ZNF732: variants seen among roughly 807,000 people sequenced by gnomAD.
ZNF732 encodes the protein zinc finger protein LOC654254.
A neutral mutation model predicts 11.5 loss-of-function variants in ZNF732; 12 were observed. The observed-to-expected ratio is 1.05, with a 90% CI of 0.67 to 1.70. The LOEUF is 1.70. Ranked by LOEUF, ZNF732 falls within the 40% of genes most tolerant of loss-of-function variation. The pLI, the probability that ZNF732 is intolerant of heterozygous loss-of-function variation, is 0.00. For synonymous variants in ZNF732, 231 were observed against 236.5 expected (o/e 0.98, Z 0.21); for missense variants, 702 against 676.9 (o/e 1.04, Z -0.41).
In ZNF732 at chr4:297,607, T is replaced by TTA. The variant is rs1491574356; in HGVS notation, c.4-1453_4-1452insTA. On this transcript the variant is annotated intron_variant, in intron 1 of 3. Transcript: ENST00000419098. ...ATTTTTGTGTTGTATTTAAGATTTG[T>TTA]AAAAAAAAAAAAAAAAAAAAAAAAA... 2.9e-3 allele frequency among the ~76,000 whole-genome samples: 295 copies of TTA among 101,000 alleles called. 3 individuals are homozygous for TTA. The highest frequency in any genetic ancestry group is 0.011 in the African/African-American group (288 of 27,146). The allele number at this position is 101,000 out of a possible 152,430, so 66.3% of individuals were successfully genotyped here. A position where few individuals can be genotyped will look rare whatever the true frequency, so the allele number is the denominator to read the frequency against.
In ZNF732 at chr4:272,308, A is replaced by C. The variant is rs782075646; in HGVS notation, c.549T>G (p.Thr183=). 5 of 1,612,874 alleles carry C rather than the reference A, an allele frequency of 3.1e-6. No individual in the cohort carries two copies. The highest frequency in any genetic ancestry group is 3.4e-6 in the Non-Finnish European group (4 of 1,179,276). ...CTCCAGCATGAATTCCTTGATGTTG[A>C]GTTAGGTCTGAGAACTTCTGAAATG... ...GKSFQKFSDL[T]QHQGIHAGEK... Residue 183 remains threonine (T), a synonymous_variant, in exon 4 of 4, where the codon ACT becomes ACG. Transcript: ENST00000419098.
intron 3 of ZNF732, among the ~76,000 whole-genome samples, chr4:290,918 A>C (rs537785107): frequency 6.6e-6 from 1 of 152,202 alleles, no homozygotes; most frequent in Non-Finnish European, 1.5e-5. Flanking sequence ...CAAAAAATAG[A>C]TTATACAAAC....
chr4:305,096 G>C (rs2108663795), intron 1 of ZNF732, among the ~76,000 whole-genome samples: 1 of 152,316 alleles, frequency 6.6e-6, no homozygotes, highest in Middle Eastern at 3.4e-3. Context: ...GGGGCTGCGG[G>C]CGCAGAGCTG....
chr4:273,497 T>C (rs1719432189), intron 3 of ZNF732, among the ~76,000 whole-genome samples: 1 of 151,860 alleles, frequency 6.6e-6, no homozygotes, highest in Non-Finnish European at 1.5e-5. Flanking sequence ...ACCTGAATAA[T>C]GCTGAATCAG....
At chr4:303,284 G>C (rs1720154845) in intron 1 of ZNF732, among the ~76,000 whole-genome samples, 1 of 152,018 alleles carries the variant, frequency 6.6e-6, no homozygotes, top group African/African-American at 2.4e-5. Flanking sequence ...CCCTTCTTCG[G>C]GCCGAGAGAA....
rs1042773854 is a variant in ZNF732 at position 294,925 on chromosome 4, T to C, written c.226+513A>G. Among the ~76,000 whole-genome samples the C allele has an allele frequency of 2.0e-5, 3 of 152,208 alleles. No individual in the cohort carries two copies. In the East Asian group the frequency reaches 5.8e-4, roughly 29 times the overall value. Reference sequence around the variant, plus strand: ...GAAAATGCCTATTGTTCTGATAAAATTGCTGAGTAATAATTTTTGTAGAAT... The same window carrying C: ...GAAAATGCCTATTGTTCTGATAAAACTGCTGAGTAATAATTTTTGTAGAAT... On this transcript the variant is annotated intron_variant, in intron 3 of 3. Transcript: ENST00000419098.
chr4:278,802 T>A (rs1025580716), intron 3 of ZNF732, among the ~76,000 whole-genome samples: 3 of 152,126 alleles, frequency 2.0e-5, no homozygotes, highest in Admixed American at 2.0e-4. Context: ...GCCCAGGCTG[T>A]TGCTTCCCAG....
At position 282,850 on chromosome 4, in the gene ZNF732, C is replaced by G. The variant is rs781942512; in HGVS notation, c.227-10220G>C. ...CATATAACAAGAAAAATGAAACAAA[C>G]TCAACACCATACAAGGGAAGGCAGC... is the stretch of plus-strand genomic sequence containing the variant. On this transcript the variant is annotated intron_variant, in intron 3 of 3. Coordinates refer to ENST00000419098, the MANE Select transcript of ZNF732 (RefSeq NM_001137608.3). Among the ~76,000 whole-genome samples, 57 of 150,970 alleles carry G rather than the reference C, an allele frequency of 3.8e-4. 1 individual carries two copies. Among genetic ancestry groups the G allele is most frequent in the South Asian group, 1.3e-3 (6 of 4,784 alleles).
chr4:305,188 G>A (rs1720205790), intron 1 of ZNF732, 120 bp downstream of exon 1: 1 of 1,380,856 alleles, frequency 7.2e-7, no homozygotes, highest in African/African-American at 1.5e-5. Context: ...AGGGACCAAG[G>A]ACTGAGGGCT....
rs782420183 is a variant in ZNF732 at position 305,329 on chromosome 4, T to A, written c.-19A>T. 1 of 1,607,724 alleles carries A rather than the reference T, an allele frequency of 6.2e-7. No individual in the cohort carries two copies. On this transcript the variant is annotated 5_prime_UTR_variant, in exon 1 of 4. Coordinates refer to ENST00000419098, the MANE Select transcript of ZNF732 (RefSeq NM_001137608.3). ...TCACCATTTCCCCACTTCAGGGGTGTAGCGGAGTCTCAGCTACGAATCATC... is the reference window on the plus strand; with the variant it reads ...TCACCATTTCCCCACTTCAGGGGTGAAGCGGAGTCTCAGCTACGAATCATC...
chr4:299,433 GTGTATATATATATATATACACATA>G lies in ZNF732; in HGVS notation c.4-3302_4-3279del, dbSNP rs1560165193. On this transcript the variant is annotated intron_variant, in intron 1 of 3. Transcript: ENST00000419098. The stretch of plus-strand genomic sequence containing the variant: ...TATATATACACATATATACACATAT[GTGTATATATATATATATACACATA>G]TGTGTATATATATATACACATATAT... Among the ~76,000 whole-genome samples the G allele has an allele frequency of 1.2e-4, 7 of 60,776 alleles. 1 individual carries two copies. The highest frequency in any genetic ancestry group is 6.7e-4 in the South Asian group (1 of 1,486). The allele number at this position is 60,776 out of a possible 152,430, so 39.9% of individuals were successfully genotyped here. A position where few individuals can be genotyped will look rare whatever the true frequency, so the allele number is the denominator to read the frequency against.
chr4:273,000 C>T (rs570834911), intron 3 of ZNF732, among the ~76,000 whole-genome samples: 29 of 152,162 alleles, frequency 1.9e-4, no homozygotes, highest in Non-Finnish European at 1.9e-4. Flanking sequence ...AATACTGACA[C>T]GTATCCTTAC....
At chr4:298,029 C>G (rs952693345) in intron 1 of ZNF732, among the ~76,000 whole-genome samples, 2 of 152,204 alleles carry the variant, frequency 1.3e-5, no homozygotes, top group African/African-American at 4.8e-5. Flanking sequence ...AGCCACTTCT[C>G]TGTGTCTTTA....
chr4:272,530 C>T lies in ZNF732; in HGVS notation c.327G>A (p.Glu109=), dbSNP rs782445076. 11 of 1,603,326 alleles carry T rather than the reference C, an allele frequency of 6.9e-6. 1 individual carries two copies. Among genetic ancestry groups the T allele is most frequent in the South Asian group, 4.4e-5 (4 of 89,970 alleles). Residue 109 remains glutamate, a synonymous_variant, in exon 4 of 4, where the codon GAG becomes GAA. Coordinates refer to ENST00000419098, the MANE Select transcript of ZNF732 (RefSeq NM_001137608.3). ...ILRRYEKCGH[E]NLELRKSCKR... ...TACAGCTTTTTCTTAATTCTAAATT[C>T]TCATGTCCACATTTCTCATATCTTC...
chr4:304,475 G>A (rs1720184444), intron 1 of ZNF732, among the ~76,000 whole-genome samples: 1 of 152,072 alleles, frequency 6.6e-6, no homozygotes, highest in African/African-American at 2.4e-5. Context: ...ATCAGTCAAT[G>A]CTCCAACCCC....
intron 3 of ZNF732, among the ~76,000 whole-genome samples, chr4:291,659 G>T (rs1719844701): frequency 6.6e-6 from 1 of 152,140 alleles, no homozygotes; most frequent in Non-Finnish European, 1.5e-5. Context: ...GTGATTTGTA[G>T]ATTCAAATGT....
chr4:287,947 A>T (rs1031172935), intron 3 of ZNF732, among the ~76,000 whole-genome samples: 2 of 149,292 alleles, frequency 1.3e-5, no homozygotes, highest in Non-Finnish European at 3.0e-5. Flanking sequence ...TCTTTACAAC[A>T]TTTTTTTTTT....
In ZNF732 at chr4:270,785, G is replaced by T; in HGVS notation, c.*314C>A. ...CATTTGTAGGATTCATCTCCCATAT[G>T]AATTTTCTTATGTTCACTCAGGGTT... is the stretch of plus-strand genomic sequence containing the variant. On this transcript the variant is annotated 3_prime_UTR_variant, in exon 4 of 4. Coordinates refer to ENST00000419098, the MANE Select transcript of ZNF732 (RefSeq NM_001137608.3). The T allele has an allele frequency of 1.9e-6, 1 of 534,956 alleles. No individual in the cohort carries two copies. Among genetic ancestry groups the T allele is most frequent in the Non-Finnish European group, 3.5e-6 (1 of 282,826 alleles). The allele number at this position is 534,956 out of a possible 1,614,324, so 33.1% of individuals were successfully genotyped here.
At chr4:275,414 T>A (rs976146921) in intron 3 of ZNF732, among the ~76,000 whole-genome samples, 2 of 136,008 alleles carry the variant, frequency 1.5e-5, no homozygotes, top group Admixed American at 1.4e-4. Flanking sequence ...TCCCATATTA[T>A]ATGGAATTAA....
Sources: allele counts gnomAD v4.1 joint callset (sites outside exome capture counted in the v4.1 genomes callset), GRCh38; gene constraint gnomAD v4.1.1; transcripts MANE v1.5; gene names NCBI Gene and HGNC (gene_info 2026-07-23, HGNC 2026-07-21).